The following DEFB121 variants were observed in gnomAD, a reference collection of about 807,000 sequenced individuals.
DEFB121 encodes beta-defensin 121.
A neutral mutation model predicts 2.5 loss-of-function variants in DEFB121; 5 were observed. The observed-to-expected ratio is 1.96, with a 90% CI of 1.03 to 4.13. DEFB121 has a LOEUF of 4.13. DEFB121 is among the 30% of genes most tolerant of loss of function. The pLI is 0.00. For synonymous variants in DEFB121, 39 were observed against 32.6 expected (o/e 1.20, Z -0.67); for missense variants, 87 against 85.0 (o/e 1.02, Z -0.09).
chr20:31,415,344 G>T (rs918469122), upstream of DEFB121, among the ~76,000 whole-genome samples: 1 of 150,880 alleles, frequency 6.6e-6, no homozygotes, highest in Non-Finnish European at 1.5e-5. Context: ...CCGCCTCCCA[G>T]ATTCAAGCGA....
At chr20:31,412,393 G>C (rs1250246458) in intron 1 of DEFB121, among the ~76,000 whole-genome samples, 1 of 152,150 alleles carries the variant, frequency 6.6e-6, no homozygotes, top group Non-Finnish European at 1.5e-5. Context: ...GACAAATCTG[G>C]GTTCAAATCC....
At chr20:31,407,486 C>G (rs185326036), upstream of DEFB121, among the ~76,000 whole-genome samples, 1 of 152,326 alleles carries the variant, frequency 6.6e-6, no homozygotes, top group African/African-American at 2.4e-5. Context: ...TTCTGTGTCT[C>G]TGCCATCACT....
intron 1 of DEFB121, 111 bp from the exon 2 acceptor site, chr20:31,405,196 T>C (rs1184683195): frequency 9.5e-7 from 1 of 1,053,156 alleles, no homozygotes; most frequent in African/African-American, 1.6e-5. Flanking sequence ...TGAGGAGGTC[T>C]GTGGGGAAGA....
chr20:31,411,160 T>C (rs1978652085), upstream of DEFB121, among the ~76,000 whole-genome samples: 1 of 152,158 alleles, frequency 6.6e-6, no homozygotes, highest in South Asian at 2.1e-4. Flanking sequence ...TTCCTATCTG[T>C]CACAAAAAAC....
chr20:31,405,915 C>T (rs554373230), intron 1 of DEFB121, among the ~76,000 whole-genome samples, 180 bp downstream of exon 1: 3 of 152,094 alleles, frequency 2.0e-5, no homozygotes, highest in Non-Finnish European at 4.4e-5. Context: ...AAGTACTGGG[C>T]ACTGGGAAGA....
chr20:31,417,042 C>CT (rs1190507002), upstream of DEFB121, among the ~76,000 whole-genome samples: 11 of 152,064 alleles, frequency 7.2e-5, no homozygotes, highest in African/African-American at 2.7e-4. Flanking sequence ...ATAGGCCTCC[C>CT]TTCACATTAG....
chr20:31,407,902 C>G (rs565851152), upstream of DEFB121, among the ~76,000 whole-genome samples: 1 of 152,136 alleles, frequency 6.6e-6, no homozygotes, highest in Non-Finnish European at 1.5e-5. Flanking sequence ...CTTAGCCCCC[C>G]GAGTAGCTAG....
chr20:31,411,676 G>A (rs974899215), intron 1 of DEFB121, among the ~76,000 whole-genome samples: 2 of 152,222 alleles, frequency 1.3e-5, no homozygotes, highest in African/African-American at 4.8e-5. Context: ...ATTATCTGAG[G>A]ATGAAGAAAG....
chr20:31,411,127 G>T (rs1978651368), upstream of DEFB121, among the ~76,000 whole-genome samples: 1 of 152,164 alleles, frequency 6.6e-6, no homozygotes. Context: ...CAGCAGTAGA[G>T]AAGACTCTCA....
upstream of DEFB121, among the ~76,000 whole-genome samples, chr20:31,409,903 G>T (rs1380992761): frequency 6.6e-6 from 1 of 152,144 alleles, no homozygotes; most frequent in African/African-American, 2.4e-5. Context: ...CAGATCAGTG[G>T]TTGCCTGGGG....
upstream of DEFB121, chr20:31,412,920 T>C: frequency 4.0e-6 from 1 of 247,864 alleles, no homozygotes; most frequent in Non-Finnish European, 8.0e-6. Flanking sequence ...TGGCTTTTTA[T>C]CAGAACATGT....
At chr20:31,418,522 G>A in the DEFB121 span, among the ~76,000 whole-genome samples, 1 of 152,092 alleles carries the variant, frequency 6.6e-6, no homozygotes, top group Non-Finnish European at 1.5e-5. Context: ...CACCAATGTC[G>A]TGACAGTTTA....
upstream of DEFB121, among the ~76,000 whole-genome samples, chr20:31,411,064 G>C (rs1978649856): frequency 6.6e-6 from 1 of 152,158 alleles, no homozygotes; most frequent in Non-Finnish European, 1.5e-5. Context: ...GCCTAATAAA[G>C]GGATGACCTG....
At chr20:31,415,264 G>A (rs1315149790), upstream of DEFB121, among the ~76,000 whole-genome samples, 2 of 126,590 alleles carry the variant, frequency 1.6e-5, no homozygotes, top group African/African-American at 3.2e-5. Flanking sequence ...TTTTTTTTCT[G>A]TTGGAGACAG....
At chr20:31,410,606 A>T (rs1003008738), upstream of DEFB121, among the ~76,000 whole-genome samples, 3 of 152,178 alleles carry the variant, frequency 2.0e-5, no homozygotes, top group African/African-American at 7.2e-5. Flanking sequence ...ACAGAGGACT[A>T]AAATAAAGTG....
chr20:31,407,237 G>A (rs908499377), upstream of DEFB121, among the ~76,000 whole-genome samples: 34 of 152,074 alleles, frequency 2.2e-4, no homozygotes, highest in African/African-American at 6.3e-4. Flanking sequence ...GCAACAGAGC[G>A]AGACTCTGTC....
At chr20:31,410,000 T>C (rs1978612493), upstream of DEFB121, among the ~76,000 whole-genome samples, 1 of 152,084 alleles carries the variant, frequency 6.6e-6, no homozygotes, top group Admixed American at 6.6e-5. Flanking sequence ...GATGTCAAAA[T>C]TCATCAAAAT....
At chr20:31,414,776 C>T (rs187890385), upstream of DEFB121, among the ~76,000 whole-genome samples, 2 of 152,110 alleles carry the variant, frequency 1.3e-5, no homozygotes, top group Non-Finnish European at 1.5e-5. Context: ...AGAGGCCAGG[C>T]GCAGTAGCTC....
At chr20:31,413,946 G>A (rs911260391), upstream of DEFB121, among the ~76,000 whole-genome samples, 2 of 152,184 alleles carry the variant, frequency 1.3e-5, no homozygotes, top group Middle Eastern at 3.2e-3. Flanking sequence ...GGTGGCTCAC[G>A]CCTGTAATTC....
Sources: gnomAD v4.1 joint callset for allele counts (sites outside exome capture counted in the v4.1 genomes callset) on GRCh38, gnomAD v4.1.1 for gene constraint, MANE v1.5 for transcripts, NCBI Gene and HGNC (gene_info 2026-07-23, HGNC 2026-07-21) for gene names.